Variants in ESRRG observed in about 807,000 individuals in gnomAD.
ESRRG encodes estrogen-related receptor gamma.
In ESRRG, 13 loss-of-function variants were observed where a neutral mutation model predicts 44.0. The ratio of observed to expected loss-of-function variants is 0.30; its 90% CI spans 0.19 to 0.47. The LOEUF (loss-of-function observed/expected upper bound fraction) is 0.47. Ranked by LOEUF, ESRRG falls within the 20% of genes least tolerant of loss-of-function variation. The pLI, the probability that ESRRG is intolerant of heterozygous loss-of-function variation, is 1.00. For synonymous variants in ESRRG, 215 were observed against 214.6 expected (o/e 1.00, Z -0.02); for missense variants, 395 against 580.6 (o/e 0.68, Z 3.29).
chr1:217,068,236 C>T (rs76892665), intron 1 of ESRRG, among the ~76,000 whole-genome samples: 4,398 of 152,234 alleles, frequency 0.029, 226 homozygotes, highest in African/African-American at 0.1. Context: ...CTTCAGGAGC[C>T]GCTGTGCCCT....
At chr1:216,577,777 TAA>T (rs1007130187) in intron 3 of ESRRG, among the ~76,000 whole-genome samples, 24 of 151,474 alleles carry the variant, frequency 1.6e-4, no homozygotes, top group Non-Finnish European at 2.7e-4. Flanking sequence ...TAGATTTTTT[TAA>T]AAAAAAAGGA....
chr1:217,027,077 A>G (rs1579711359), intron 1 of ESRRG, among the ~76,000 whole-genome samples: 1 of 152,240 alleles, frequency 6.6e-6, no homozygotes, highest in African/African-American at 2.4e-5. Flanking sequence ...ATGTATCTTT[A>G]AAGGTAAGAA....
intron 2 of ESRRG, among the ~76,000 whole-genome samples, chr1:216,904,442 A>C (rs2059455469): frequency 6.6e-6 from 1 of 152,170 alleles, no homozygotes; most frequent in Non-Finnish European, 1.5e-5. Context: ...AGATTGCTAA[A>C]ATTAAACAAA....
At chr1:216,946,554 G>C (rs1578496984) in intron 1 of ESRRG, among the ~76,000 whole-genome samples, 2 of 152,218 alleles carry the variant, frequency 1.3e-5, no homozygotes, top group South Asian at 4.1e-4. Context: ...GCCAGCAAAA[G>C]CTGACAAGTA....
chr1:217,050,867 C>T lies in ESRRG; in HGVS notation c.-106+38640G>A, dbSNP rs1274787331. ...ATGTCAGTACGGGCTATTAGAAGACCTTTCTAGGGCTCCAAATGATAAAAA... is the reference window on the plus strand; with the variant it reads ...ATGTCAGTACGGGCTATTAGAAGACTTTTCTAGGGCTCCAAATGATAAAAA... On this transcript the variant is annotated intron_variant, in intron 1 of 7. Coordinates refer to the ESRRG transcript ENST00000359162. Among the ~76,000 whole-genome samples the T allele has an allele frequency of 3.3e-5, 5 of 152,140 alleles. No individual in the cohort carries two copies. The South Asian group carries it at 1.0e-3, about 32-fold the overall frequency.
intron 2 of ESRRG, among the ~76,000 whole-genome samples, chr1:216,751,717 G>A (rs1376629321): frequency 6.6e-6 from 1 of 152,068 alleles, no homozygotes; most frequent in Non-Finnish European, 1.5e-5. Context: ...TAGATAACCT[G>A]TCCCTTCGCT....
intron 3 of ESRRG, among the ~76,000 whole-genome samples, chr1:216,642,054 C>T (rs2066536325): frequency 6.6e-6 from 1 of 152,016 alleles, no homozygotes; most frequent in African/African-American, 2.4e-5. Context: ...CTGAAGAATC[C>T]CAAGCCAAAT....
chr1:216,672,084 A>G (rs1043243999), intron 2 of ESRRG, among the ~76,000 whole-genome samples: 6 of 152,058 alleles, frequency 3.9e-5, no homozygotes, highest in Non-Finnish European at 5.9e-5. Flanking sequence ...GCAGACTCCA[A>G]TCATTTATGA....
At chr1:216,684,824 G>A (rs2077629710) in intron 1 of ESRRG, among the ~76,000 whole-genome samples, 1 of 152,186 alleles carries the variant, frequency 6.6e-6, no homozygotes, top group African/African-American at 2.4e-5. Context: ...ATACCATTTA[G>A]TTTAAATAAA....
intron 3 of ESRRG, among the ~76,000 whole-genome samples, chr1:216,593,734 T>C (rs1057323125): frequency 6.6e-6 from 1 of 152,220 alleles, no homozygotes; most frequent in Non-Finnish European, 1.5e-5. Flanking sequence ...CCATTCATAC[T>C]GACTTTTTGT....
At chr1:216,858,132 A>T (rs2095983129) in intron 2 of ESRRG, among the ~76,000 whole-genome samples, 1 of 152,160 alleles carries the variant, frequency 6.6e-6, no homozygotes, top group Non-Finnish European at 1.5e-5. Flanking sequence ...ACCATAATAC[A>T]TTGTAATTAA....
intron 2 of ESRRG, among the ~76,000 whole-genome samples, chr1:216,774,547 C>G (rs1020465880): frequency 6.6e-6 from 1 of 152,046 alleles, no homozygotes; most frequent in Non-Finnish European, 1.5e-5. Flanking sequence ...TCTCTTCTCC[C>G]CCTTCAAATA....
chr1:216,568,900 C>T lies in ESRRG; in HGVS notation c.590-802G>A, dbSNP rs954766222. The stretch of plus-strand genomic sequence containing the variant: ...AGAAACCCTGTCTCTACTAAAAATA[C>T]AAAATTAGCCAGGCGTGGTGGTGCA... On this transcript the variant is annotated intron_variant, in intron 3 of 6. Transcript: ENST00000408911. Among the ~76,000 whole-genome samples the T allele has an allele frequency of 3.3e-5, 5 of 151,788 alleles. No individual in the cohort carries two copies. In the East Asian group the frequency reaches 9.8e-4, roughly 30 times the overall value.
At chr1:216,916,832 GTCTTTTTTTTTT>G (rs2061230207) in intron 2 of ESRRG, among the ~76,000 whole-genome samples, 1 of 81,760 alleles carries the variant, frequency 1.2e-5, no homozygotes, top group African/African-American at 4.7e-5. Context: ...CTCAGCTTTG[GTCTTTTTTTTTT>G]TTTTTTTTTT....
chr1:216,861,373 T>C (rs1186260944), intron 2 of ESRRG, among the ~76,000 whole-genome samples: 1 of 152,092 alleles, frequency 6.6e-6, no homozygotes, highest in African/African-American at 2.4e-5. Flanking sequence ...AGATTTTGAA[T>C]GTCTCCAATA....
chr1:216,658,877 AG>A (rs2071420592), intron 2 of ESRRG, among the ~76,000 whole-genome samples: 1 of 94,564 alleles, frequency 1.1e-5, no homozygotes, highest in African/African-American at 2.9e-5. Context: ...AGAGAAGAGA[AG>A]AGAAGAGAAG....
chr1:217,097,214 C>T (rs2092437467), intron 1 of ESRRG, among the ~76,000 whole-genome samples: 1 of 151,976 alleles, frequency 6.6e-6, no homozygotes. Context: ...GAAGCTTATC[C>T]CTTCTCCTTC....
intron 1 of ESRRG, among the ~76,000 whole-genome samples, chr1:217,071,222 G>A (rs1355926451): frequency 1.3e-5 from 2 of 152,172 alleles, no homozygotes; most frequent in Non-Finnish European, 2.9e-5. Context: ...AATAAATGCA[G>A]TTATGTATTG....
chr1:216,802,415 AG>A (rs1485017429), intron 2 of ESRRG, among the ~76,000 whole-genome samples: 1 of 152,190 alleles, frequency 6.6e-6, no homozygotes, highest in African/African-American at 2.4e-5. Flanking sequence ...TATTGCCAAA[AG>A]CTAGCTTAAA....
Sources: gnomAD v4.1 joint callset for allele counts (sites outside exome capture counted in the v4.1 genomes callset) on GRCh38, gnomAD v4.1.1 for gene constraint, MANE v1.5 for transcripts, NCBI Gene and HGNC (gene_info 2026-07-23, HGNC 2026-07-21) for gene names.